Variants in PRKG1 observed in about 807,000 individuals in gnomAD.
PRKG1 encodes the protein cGMP-dependent protein kinase 1.
In PRKG1, 35 loss-of-function variants were observed where a neutral mutation model predicts 88.1. The ratio of observed to expected loss-of-function variants is 0.40; its 90% CI spans 0.30 to 0.53. The LOEUF (loss-of-function observed/expected upper bound fraction) is 0.53, where lower values mean the gene tolerates loss of function less well. Among genes scored for constraint, PRKG1 ranks in the 20% least tolerant of loss-of-function variants. The pLI is 0.59. For missense variants in PRKG1, 540 were observed against 839.8 expected, an observed-to-expected ratio of 0.64 and a Z score of 4.41; for synonymous variants, 303 against 292.5, an observed-to-expected ratio of 1.04 and a Z score of -0.37.
chr10:51,253,126 G>A (rs1230503704), intron 2 of PRKG1, among the ~76,000 whole-genome samples: 1 of 151,800 alleles, frequency 6.6e-6, no homozygotes, highest in African/African-American at 2.4e-5. Flanking sequence ...TATTAGTATG[G>A]CAAAGCAGGG....
chr10:51,773,339 T>A (rs983504799), intron 3 of PRKG1, among the ~76,000 whole-genome samples: 5 of 152,102 alleles, frequency 3.3e-5, no homozygotes, highest in African/African-American at 9.7e-5. Flanking sequence ...CAAATACAGA[T>A]TTCCATAGAT....
chr10:51,554,326 ACAC>A (rs1837249043), intron 3 of PRKG1, among the ~76,000 whole-genome samples: 1 of 129,420 alleles, frequency 7.7e-6, no homozygotes, highest in Admixed American at 8.1e-5. Flanking sequence ...TATAATATAT[ACAC>A]ACATATATTA....
chr10:52,146,083 A>C, intron 8 of PRKG1, among the ~76,000 whole-genome samples: 1 of 152,208 alleles, frequency 6.6e-6, no homozygotes, highest in East Asian at 1.9e-4. Flanking sequence ...GAGACAGTAC[A>C]TTGTCATCTA....
chr10:51,246,184 A>G (rs1839284416), intron 2 of PRKG1, among the ~76,000 whole-genome samples: 1 of 152,136 alleles, frequency 6.6e-6, no homozygotes, highest in Admixed American at 6.6e-5. Context: ...CAGAAAGTTA[A>G]TAGACAAATT....
intron 2 of PRKG1, among the ~76,000 whole-genome samples, chr10:51,286,354 T>C (rs1840441196): frequency 6.6e-6 from 1 of 152,256 alleles, no homozygotes; most frequent in Non-Finnish European, 1.5e-5. Context: ...TGGACAATTA[T>C]GTATGATTGA....
intron 3 of PRKG1, among the ~76,000 whole-genome samples, chr10:51,608,220 G>A (rs1409913732): frequency 1.3e-5 from 2 of 152,190 alleles, no homozygotes; most frequent in Non-Finnish European, 2.9e-5. Context: ...ATGCACATGG[G>A]AAGTCAGTAC....
intron 3 of PRKG1, among the ~76,000 whole-genome samples, chr10:51,548,546 C>T (rs868769805): frequency 1.3e-5 from 2 of 152,056 alleles, no homozygotes; most frequent in African/African-American, 4.8e-5. Context: ...ATTAATGATT[C>T]AGTTTTGACT....
At chr10:51,722,240 A>T (rs1051369667) in intron 3 of PRKG1, among the ~76,000 whole-genome samples, 6 of 147,250 alleles carry the variant, frequency 4.1e-5, no homozygotes, top group African/African-American at 1.6e-4. Flanking sequence ...AAAAAAAAAA[A>T]ACAACAACAT....
chr10:51,844,653 T>C (rs1334406035), intron 4 of PRKG1, among the ~76,000 whole-genome samples: 1 of 152,162 alleles, frequency 6.6e-6, no homozygotes, highest in Non-Finnish European at 1.5e-5. Context: ...CAAGAATAGA[T>C]GTGGTTTACT....
At chr10:52,274,549 G>A (rs1841821343) in intron 12 of PRKG1, among the ~76,000 whole-genome samples, 1 of 145,658 alleles carries the variant, frequency 6.9e-6, no homozygotes, top group Admixed American at 6.9e-5. Context: ...ACACACACAT[G>A]CCATCATATA....
chr10:51,004,966 G>A (rs1291330148), intron 1 of PRKG1, among the ~76,000 whole-genome samples: 2 of 152,066 alleles, frequency 1.3e-5, no homozygotes, highest in African/African-American at 2.4e-5. Context: ...CAAAAGGCTA[G>A]TAGGGAGATT....
intron 3 of PRKG1, among the ~76,000 whole-genome samples, chr10:51,468,491 A>T (rs1839964861): frequency 6.6e-6 from 1 of 151,906 alleles, no homozygotes; most frequent in South Asian, 2.1e-4. Context: ...TGGCAGAAGC[A>T]GCTGCAATAG....
chr10:52,239,184 G>C (rs1179360535), intron 9 of PRKG1, among the ~76,000 whole-genome samples: 1 of 91,852 alleles, frequency 1.1e-5, no homozygotes, highest in African/African-American at 4.2e-5. Flanking sequence ...GGTGGGGGGA[G>C]GGGGGAGGGA....
At chr10:51,794,219 C>T (rs889087108) in intron 3 of PRKG1, among the ~76,000 whole-genome samples, 1 of 152,138 alleles carries the variant, frequency 6.6e-6, no homozygotes, top group Non-Finnish European at 1.5e-5. Flanking sequence ...GTTAATAGCT[C>T]TGAAGAGAGA....
intron 3 of PRKG1, among the ~76,000 whole-genome samples, chr10:51,558,195 C>T (rs1372727793): frequency 6.6e-6 from 1 of 151,876 alleles, no homozygotes; most frequent in African/African-American, 2.4e-5. Flanking sequence ...TAGTCATTTT[C>T]AATTGTGTGG....
chr10:51,796,664 T>C (rs1839019856), intron 3 of PRKG1, among the ~76,000 whole-genome samples: 1 of 152,102 alleles, frequency 6.6e-6, no homozygotes, highest in African/African-American at 2.4e-5. Flanking sequence ...GATACCCAGA[T>C]AGCTGATAAA....
intron 3 of PRKG1, among the ~76,000 whole-genome samples, chr10:51,491,216 T>C (rs550475316): frequency 6.6e-6 from 1 of 152,142 alleles, no homozygotes; most frequent in South Asian, 2.1e-4. Flanking sequence ...ATATTACACA[T>C]AGATGTTGTA....
At chr10:51,413,596 T>C (rs1455066066) in intron 2 of PRKG1, among the ~76,000 whole-genome samples, 1 of 152,106 alleles carries the variant, frequency 6.6e-6, no homozygotes, top group South Asian at 2.1e-4. Context: ...CCTGACCTCG[T>C]GATCAGTCTG....
chr10:51,485,048 G>A (rs369534454), intron 3 of PRKG1, among the ~76,000 whole-genome samples: 4 of 152,106 alleles, frequency 2.6e-5, no homozygotes, highest in African/African-American at 9.7e-5. Flanking sequence ...AGGTTGTTAA[G>A]GAATAGGGCC....
Sources: gnomAD v4.1 joint callset for allele counts (sites outside exome capture counted in the v4.1 genomes callset) on GRCh38, gnomAD v4.1.1 for gene constraint, MANE v1.5 for transcripts, NCBI Gene and HGNC (gene_info 2026-07-23, HGNC 2026-07-21) for gene names.